Variants in PUDP observed in about 807,000 individuals in gnomAD.
PUDP encodes the protein pseudouridine 5'-phosphatase.
PUDP carries 8 observed loss-of-function variants against 9.4 expected under a neutral mutation model. The ratio of observed to expected loss-of-function variants is 0.85; its 90% CI spans 0.50 to 1.53. PUDP has a LOEUF of 1.53. Ranked by LOEUF, PUDP falls within the 40% of genes most tolerant of loss-of-function variation. The pLI, the probability that PUDP is intolerant of heterozygous loss-of-function variation, is 0.00. For synonymous variants in PUDP, 99 were observed against 80.7 expected (o/e 1.23, Z -1.22); for missense variants, 188 against 189.7 (o/e 0.99, Z 0.05).
intron 3 of PUDP, among the ~76,000 whole-genome samples, chrX:6,778,348 A>G (rs188954240): frequency 2.1e-3 from 235 of 112,632 alleles, no homozygotes; most frequent in Non-Finnish European, 3.3e-3. Flanking sequence ...TACATCCCCA[A>G]CGAAGAAACT....
At chrX:7,091,145 C>T (rs1009439911) in intron 2 of PUDP, among the ~76,000 whole-genome samples, 7 of 111,224 alleles carry the variant, frequency 6.3e-5, no homozygotes, top group Non-Finnish European at 7.5e-5. Context: ...AGCATTCTTT[C>T]TGGAGATTAT....
intron 3 of PUDP, among the ~76,000 whole-genome samples, chrX:6,829,157 G>A (rs1438923329): frequency 9.0e-6 from 1 of 111,190 alleles, no homozygotes; most frequent in Non-Finnish European, 1.9e-5. Context: ...ACTTGATCTT[G>A]GACTTCCAGC....
intron 3 of PUDP, among the ~76,000 whole-genome samples, chrX:7,063,186 C>T (rs1265600842): frequency 1.8e-5 from 2 of 111,721 alleles, no homozygotes; most frequent in African/African-American, 3.3e-5. Context: ...ATGTTACACA[C>T]GTGATAACAA....
chrX:7,081,937 C>G (rs758735829), intron 2 of PUDP, among the ~76,000 whole-genome samples: 2 of 112,844 alleles, frequency 1.8e-5, no homozygotes, highest in South Asian at 7.3e-4. Context: ...CTGCCTGATG[C>G]CTTCACAAAG....
At chrX:6,763,210 G>A (rs1461949912) in intron 3 of PUDP, among the ~76,000 whole-genome samples, 1 of 111,938 alleles carries the variant, frequency 8.9e-6, no homozygotes, top group Admixed American at 9.5e-5. Flanking sequence ...CCAACATGGC[G>A]AAACTCCGTC....
intron 3 of PUDP, among the ~76,000 whole-genome samples, chrX:7,052,061 C>T (rs1406458733): frequency 9.4e-6 from 1 of 106,753 alleles, no homozygotes; most frequent in Non-Finnish European, 1.9e-5. Flanking sequence ...GAGACAGAGT[C>T]TTGCTCTCTC....
At chrX:7,007,495 C>T (rs1249986110) in intron 1 of PUDP, among the ~76,000 whole-genome samples, 1 of 112,674 alleles carries the variant, frequency 8.9e-6, no homozygotes, top group East Asian at 2.8e-4. Flanking sequence ...GTGTCTGACA[C>T]ACACACAGAG....
chrX:6,846,500 T>A (rs149239496), intron 3 of PUDP, among the ~76,000 whole-genome samples: 1 of 110,040 alleles, frequency 9.1e-6, no homozygotes, highest in Admixed American at 9.7e-5. Context: ...GGCATGGCTG[T>A]GAGACTCCCT....
rs773894921 is a variant in PUDP at position 7,000,880 on chromosome X, AG to A, written c.205-22538del. Among the ~76,000 whole-genome samples the A allele has an allele frequency of 9.2e-5, 10 of 108,195 alleles. No individual in the cohort carries two copies. In the East Asian group the frequency reaches 2.9e-3, roughly 31 times the overall value. 94.0% of individuals were successfully genotyped at this position (108,195 alleles called of 115,157 possible). A position where few individuals can be genotyped will look rare whatever the true frequency, so the allele number is the denominator to read the frequency against. ...AAAAGTTTTCCTATTTAACATTGTT[AG>A]TGAGATTATATTATATTACATATAA... On this transcript the variant is annotated intron_variant and NMD_transcript_variant, in intron 1 of 3. Transcript: ENST00000655425.
intron 3 of PUDP, among the ~76,000 whole-genome samples, chrX:7,069,874 C>A (rs1244269986): frequency 8.9e-6 from 1 of 111,998 alleles, no homozygotes; most frequent in Non-Finnish European, 1.9e-5. Context: ...AGTCTCCTAA[C>A]GGCCCACTTA....
At chrX:6,712,113 G>C (rs1022358676) in intron 1 of PUDP, among the ~76,000 whole-genome samples, 1 of 111,647 alleles carries the variant, frequency 9.0e-6, no homozygotes, top group Non-Finnish European at 1.9e-5. Context: ...TGCCCTCAAG[G>C]AGCCACATTT....
rs188670469 is a variant in PUDP at position 6,794,787 on chromosome X, T to C, written c.*248-88321A>G. On this transcript the variant is annotated intron_variant and NMD_transcript_variant, in intron 3 of 3. Coordinates refer to the PUDP transcript ENST00000655425. ...GTTGGTCAGGCTGGTCTCAAACTGC[T>C]GACCTCAGGTGATCTGCCACCTTGG... Among the ~76,000 whole-genome samples the C allele has an allele frequency of 6.6e-3, 728 of 110,011 alleles. 5 individuals are homozygous for C. The highest frequency in any genetic ancestry group is 0.022 in the African/African-American group (673 of 30,346).
At chrX:6,741,852 T>TTTTC (rs751919726) in intron 3 of PUDP, among the ~76,000 whole-genome samples, 10 of 104,695 alleles carry the variant, frequency 9.6e-5, no homozygotes, top group South Asian at 4.2e-4. Context: ...CTTTCTTTCT[T>TTTTC]TTTCTTTCTT....
intron 2 of PUDP, among the ~76,000 whole-genome samples, chrX:7,093,457 G>C (rs1432301238): frequency 8.9e-6 from 1 of 111,802 alleles, no homozygotes; most frequent in Non-Finnish European, 1.9e-5. Context: ...TCTACTACTG[G>C]CGCCAGGAGG....
chrX:7,107,555 G>A (rs1375670604), intron 1 of PUDP, among the ~76,000 whole-genome samples: 4 of 112,754 alleles, frequency 3.5e-5, no homozygotes, highest in African/African-American at 9.7e-5. Context: ...GGGCGGGCGC[G>A]GTGGCTCACG....
At chrX:6,802,151 G>T (rs73627093) in intron 3 of PUDP, among the ~76,000 whole-genome samples, 101 of 111,856 alleles carry the variant, frequency 9.0e-4, no homozygotes, top group African/African-American at 3.1e-3. Context: ...AAGCTCGATT[G>T]CTTCTACTAT....
chrX:6,920,202 C>CGG (rs1928001011), intron 3 of PUDP, among the ~76,000 whole-genome samples: 1 of 110,609 alleles, frequency 9.0e-6, no homozygotes. Flanking sequence ...ATTACCATAT[C>CGG]CCTCATCTCT....
intron 3 of PUDP, among the ~76,000 whole-genome samples, chrX:6,784,962 A>G (rs1022176447): frequency 2.7e-5 from 3 of 112,467 alleles, no homozygotes; most frequent in African/African-American, 9.7e-5. Flanking sequence ...AAAGAATTAA[A>G]GGCAAAACTC....
At chrX:6,711,116 A>C (rs1924527461) in intron 1 of PUDP, among the ~76,000 whole-genome samples, 1 of 112,055 alleles carries the variant, frequency 8.9e-6, no homozygotes, top group African/African-American at 3.2e-5. Flanking sequence ...GACAAGAGGC[A>C]GATTAATAGG....
Sources: gnomAD v4.1 joint callset for allele counts (sites outside exome capture counted in the v4.1 genomes callset) on GRCh38, gnomAD v4.1.1 for gene constraint, MANE v1.5 for transcripts, NCBI Gene and HGNC (gene_info 2026-07-23, HGNC 2026-07-21) for gene names.